Variants in PARD3 observed in about 807,000 individuals in gnomAD.
PARD3 encodes partitioning defective 3 homolog.
Under a neutral mutation model 155.4 loss-of-function variants are expected in PARD3, and 75 were observed. The ratio of observed to expected loss-of-function variants is 0.48; its 90% CI spans 0.40 to 0.58. The LOEUF (loss-of-function observed/expected upper bound fraction) is 0.58, where lower values mean the gene tolerates loss of function less well. Ranked by LOEUF, PARD3 falls within the 20% of genes least tolerant of loss-of-function variation. PARD3 has a pLI of 0.00. For synonymous variants in PARD3, 576 were observed against 610.5 expected, an observed-to-expected ratio of 0.94 and a Z score of 0.83; for missense variants, 1,642 against 1,721.7, an observed-to-expected ratio of 0.95 and a Z score of 0.82.
At chr10:34,350,504 G>A (rs918567025) in intron 14 of PARD3, among the ~76,000 whole-genome samples, 1 of 151,928 alleles carries the variant, frequency 6.6e-6, no homozygotes, top group African/African-American at 2.4e-5. Context: ...TGTGGTGGCG[G>A]GCACCTGTAA....
intron 22 of PARD3, among the ~76,000 whole-genome samples, chr10:34,141,696 G>A (rs1015128790): frequency 6.6e-6 from 1 of 152,102 alleles, no homozygotes; most frequent in Non-Finnish European, 1.5e-5. Context: ...GCTTGTCATT[G>A]GTCTCAGGCA....
intron 8 of PARD3, 30 bp downstream of exon 8, chr10:34,384,099 A>C (rs566927584): frequency 4.4e-6 from 7 of 1,605,866 alleles, no homozygotes; most frequent in Non-Finnish European, 6.0e-6. Context: ...AATGCAAGTA[A>C]GAACAGAAGT....
chr10:34,341,940 G>C, intron 15 of PARD3, 124 bp from the exon 16 acceptor site: 1 of 565,198 alleles, frequency 1.8e-6, no homozygotes, highest in Admixed American at 3.4e-5. Context: ...CAACCTGGTA[G>C]AACAAAACAG....
At chr10:34,584,382 G>C (rs2134287298) in intron 2 of PARD3, among the ~76,000 whole-genome samples, 1 of 152,212 alleles carries the variant, frequency 6.6e-6, no homozygotes, top group Non-Finnish European at 1.5e-5. Flanking sequence ...TTCCACTTTG[G>C]CCATGGATTC....
In PARD3 at chr10:34,783,521, G is replaced by A. The variant is rs373954361; in HGVS notation, c.120+31355C>T. The stretch of plus-strand genomic sequence containing the variant: ...CAGGAGGCTGAGGCAGGAGAATGGC[G>A]TGAACCCGGGAGGCGGAGCTTGCAG... On this transcript the variant is annotated intron_variant, in intron 1 of 24. Transcript: ENST00000374788. Among the ~76,000 whole-genome samples the A allele has an allele frequency of 8.1e-4, 122 of 150,626 alleles. No individual in the cohort carries two copies. In the East Asian group the frequency reaches 0.011, roughly 13 times the overall value.
chr10:34,781,011 T>C (rs932768651), intron 1 of PARD3, among the ~76,000 whole-genome samples: 2 of 152,206 alleles, frequency 1.3e-5, no homozygotes, highest in African/African-American at 2.4e-5. Flanking sequence ...GCTTACTTTG[T>C]ACTTTCCTTG....
intron 22 of PARD3, among the ~76,000 whole-genome samples, chr10:34,168,655 G>C (rs1213626227): frequency 3.9e-5 from 6 of 152,168 alleles, no homozygotes; most frequent in Admixed American, 3.3e-4. Flanking sequence ...CTCTGAGGCA[G>C]TTACTGAAAA....
At chr10:34,569,158 T>C (rs2086185889) in intron 2 of PARD3, among the ~76,000 whole-genome samples, 1 of 152,120 alleles carries the variant, frequency 6.6e-6, no homozygotes, top group African/African-American at 2.4e-5. Flanking sequence ...ATTAGCCAAA[T>C]ACAACATGAG....
At chr10:34,322,129 G>A (rs1958419150) in intron 19 of PARD3, among the ~76,000 whole-genome samples, 1 of 152,146 alleles carries the variant, frequency 6.6e-6, no homozygotes, top group African/African-American at 2.4e-5. Flanking sequence ...CCATACCCCT[G>A]CAGACTTGCC....
intron 2 of PARD3, among the ~76,000 whole-genome samples, chr10:34,669,480 G>A (rs891469604): frequency 3.3e-5 from 5 of 152,112 alleles, no homozygotes; most frequent in Non-Finnish European, 7.3e-5. Context: ...GGATGGGAAA[G>A]TACTTAATGG....
chr10:34,156,426 T>C (rs945204080), intron 22 of PARD3, among the ~76,000 whole-genome samples: 1 of 152,182 alleles, frequency 6.6e-6, no homozygotes, highest in Non-Finnish European at 1.5e-5. Flanking sequence ...AAAGCAGCCA[T>C]GTGTTCTAGA....
At chr10:34,176,585 C>A (rs1014774209) in intron 22 of PARD3, among the ~76,000 whole-genome samples, 1 of 152,140 alleles carries the variant, frequency 6.6e-6, no homozygotes, top group Non-Finnish European at 1.5e-5. Context: ...TGGGGCAGCT[C>A]CTGCCACCTG....
intron 20 of PARD3, among the ~76,000 whole-genome samples, chr10:34,314,686 G>A (rs1006820589): frequency 6.6e-6 from 1 of 152,188 alleles, no homozygotes; most frequent in African/African-American, 2.4e-5. Flanking sequence ...CACTAAACAC[G>A]GGGCCGGGAA....
At chr10:34,693,770 G>A (rs11812457) in intron 2 of PARD3, among the ~76,000 whole-genome samples, 4,558 of 152,236 alleles carry the variant, frequency 0.03, 221 homozygotes, top group African/African-American at 0.1. Flanking sequence ...GGTTGAGGCT[G>A]CAGTGAGCTA....
At chr10:34,587,542 T>C (rs1486428450) in intron 2 of PARD3, among the ~76,000 whole-genome samples, 3 of 152,158 alleles carry the variant, frequency 2.0e-5, no homozygotes, top group African/African-American at 7.2e-5. Flanking sequence ...AGAATCATCA[T>C]CATTGGGCAG....
chr10:34,415,808 G>A (rs752078762), intron 5 of PARD3, among the ~76,000 whole-genome samples: 1 of 152,156 alleles, frequency 6.6e-6, no homozygotes, highest in Non-Finnish European at 1.5e-5. Context: ...GCTATTTGGT[G>A]TTTTACAAGT....
intron 2 of PARD3, among the ~76,000 whole-genome samples, chr10:34,580,517 G>C (rs1158572545): frequency 6.6e-6 from 1 of 152,168 alleles, no homozygotes; most frequent in Non-Finnish European, 1.5e-5. Context: ...CTAGGTGACA[G>C]AGCGAGATCC....
At chr10:34,458,484 T>C (rs2077450800) in intron 4 of PARD3, among the ~76,000 whole-genome samples, 1 of 152,128 alleles carries the variant, frequency 6.6e-6, no homozygotes, top group South Asian at 2.1e-4. Context: ...ATTACAGGTG[T>C]GAGCCACTGT....
At chr10:34,267,568 CT>C (rs752544466) in intron 22 of PARD3, among the ~76,000 whole-genome samples, 2 of 152,168 alleles carry the variant, frequency 1.3e-5, no homozygotes, top group Non-Finnish European at 2.9e-5. Flanking sequence ...TAAGATCTGG[CT>C]TCACATTTGC....
Sources: gnomAD v4.1 joint callset for allele counts (sites outside exome capture counted in the v4.1 genomes callset) on GRCh38, gnomAD v4.1.1 for gene constraint, MANE v1.5 for transcripts, NCBI Gene and HGNC (gene_info 2026-07-23, HGNC 2026-07-21) for gene names.